Variants in ZNF438 observed in about 807,000 individuals in gnomAD.
The protein encoded by ZNF438 is zinc finger protein 438.
ZNF438 carries 25 observed loss-of-function variants against 38.0 expected under a neutral mutation model. That is an observed-to-expected ratio of 0.66 (90% CI 0.48 to 0.92). The LOEUF is 0.92. ZNF438 is among the 40% of genes least tolerant of loss of function. The pLI is 0.00. For synonymous variants in ZNF438, 372 were observed against 364.1 expected (o/e 1.02, Z -0.25); for missense variants, 1,007 against 999.6 (o/e 1.01, Z -0.10).
At chr10:30,849,404 T>C in exon 5 of ZNF438, 3 of 1,614,224 alleles carry the variant, frequency 1.9e-6, no homozygotes, top group African/African-American at 1.3e-5. Flanking sequence ...ATTAAAGCCT[T>C]CTGTGGTGGA....
intron 3 of ZNF438, among the ~76,000 whole-genome samples, chr10:30,900,132 A>G (rs1206501324): frequency 6.6e-6 from 1 of 152,238 alleles, no homozygotes; most frequent in East Asian, 1.9e-4. Context: ...CAAGCAATAT[A>G]TAAGATTATT....
At chr10:30,988,213 G>A (rs2053066513) in intron 1 of ZNF438, among the ~76,000 whole-genome samples, 1 of 151,684 alleles carries the variant, frequency 6.6e-6, no homozygotes, top group African/African-American at 2.4e-5. Flanking sequence ...AATAGAATTT[G>A]CTTTGAACTT....
intron 3 of ZNF438, among the ~76,000 whole-genome samples, chr10:30,890,924 C>A (rs533780048): frequency 6.6e-6 from 1 of 152,144 alleles, no homozygotes; most frequent in Non-Finnish European, 1.5e-5. Context: ...ATAAAAATGT[C>A]GGATAATTTT....
chr10:31,020,937 A>G (rs184427381), intron 1 of ZNF438, among the ~76,000 whole-genome samples: 1 of 152,058 alleles, frequency 6.6e-6, no homozygotes, highest in African/African-American at 2.4e-5. Context: ...AAAAATATCT[A>G]AATCACACAT....
chr10:31,031,442 G>A (rs1205586504), intron 1 of ZNF438, among the ~76,000 whole-genome samples: 1 of 152,210 alleles, frequency 6.6e-6, no homozygotes. Flanking sequence ...TCTCTGAGAG[G>A]AAGCTTCCAT....
intron 1 of ZNF438, among the ~76,000 whole-genome samples, chr10:31,030,334 C>T (rs1418404796): frequency 6.6e-6 from 1 of 152,174 alleles, no homozygotes; most frequent in Non-Finnish European, 1.5e-5. Flanking sequence ...TGTTCGTTGT[C>T]TATTTCCCAC....
At chr10:30,949,440 A>G (rs940460326) in intron 1 of ZNF438, among the ~76,000 whole-genome samples, 2 of 152,258 alleles carry the variant, frequency 1.3e-5, no homozygotes, top group African/African-American at 4.8e-5. Flanking sequence ...GCTCCAATTA[A>G]AAGACACAGA....
chr10:30,947,161 A>G (rs1467635824), intron 1 of ZNF438, among the ~76,000 whole-genome samples: 1 of 152,334 alleles, frequency 6.6e-6, no homozygotes, highest in East Asian at 1.9e-4. Context: ...ATGTGATTAC[A>G]GCTGTCTTTT....
chr10:30,894,709 A>G (rs530036730), intron 3 of ZNF438, among the ~76,000 whole-genome samples: 2 of 152,344 alleles, frequency 1.3e-5, no homozygotes, highest in East Asian at 3.9e-4. Flanking sequence ...TTATACAAGG[A>G]GAAAGAGCAT....
At chr10:30,924,968 G>A (rs780869916) in intron 2 of ZNF438, among the ~76,000 whole-genome samples, 25 of 152,120 alleles carry the variant, frequency 1.6e-4, no homozygotes, top group Non-Finnish European at 4.4e-5. Flanking sequence ...AAATAAAGTG[G>A]TTTTTAAATT....
intron 1 of ZNF438, among the ~76,000 whole-genome samples, chr10:30,960,161 CAT>C (rs1214452680): frequency 2.0e-5 from 3 of 147,386 alleles, no homozygotes; most frequent in African/African-American, 7.3e-5. Context: ...TAATTCTTTA[CAT>C]GTTTTGGATA....
At chr10:30,869,114 T>G (rs985871140) in intron 4 of ZNF438, among the ~76,000 whole-genome samples, 2 of 152,224 alleles carry the variant, frequency 1.3e-5, no homozygotes, top group Admixed American at 6.5e-5. Flanking sequence ...GGCTCACGCC[T>G]GTAATCCCAG....
At chr10:30,922,617 T>C in intron 2 of ZNF438, among the ~76,000 whole-genome samples, 1 of 152,150 alleles carries the variant, frequency 6.6e-6, no homozygotes, top group East Asian at 1.9e-4. Flanking sequence ...GCAGATCACC[T>C]GAGGTCAGGA....
chr10:30,899,047 T>C (rs1374037223), intron 3 of ZNF438, among the ~76,000 whole-genome samples: 2 of 152,190 alleles, frequency 1.3e-5, no homozygotes, highest in Non-Finnish European at 2.9e-5. Context: ...TATCTTTTCT[T>C]TGCACAATTT....
chr10:30,901,626 G>A (rs561676053), intron 3 of ZNF438, among the ~76,000 whole-genome samples: 105 of 152,254 alleles, frequency 6.9e-4, no homozygotes, highest in African/African-American at 2.5e-3. Flanking sequence ...CTTGGCGATA[G>A]GCAATTGTCT....
At chr10:30,912,716 TTC>T (rs1484147961) in intron 2 of ZNF438, among the ~76,000 whole-genome samples, 1 of 152,090 alleles carries the variant, frequency 6.6e-6, no homozygotes, top group Non-Finnish European at 1.5e-5. Flanking sequence ...CTCTTAACAT[TTC>T]TGTGTTTCCA....
rs1434975972 is a variant in ZNF438 at position 31,003,757 on chromosome 10, T to C, written c.-192+28076A>G. 3.3e-5 allele frequency among the ~76,000 whole-genome samples: 5 copies of C among 152,336 alleles called. No homozygotes were observed. In the East Asian group the frequency reaches 9.6e-4, roughly 29 times the overall value. ...TTTCAGTCTTCCAAGTCATAGTCTA[T>C]GCTCAAGAAAGAGCTGATCTACGTG... On this transcript the variant is annotated intron_variant, in intron 1 of 5. Coordinates refer to ENST00000413025, the Ensembl canonical transcript of ZNF438.
intron 3 of ZNF438, among the ~76,000 whole-genome samples, chr10:30,886,951 T>A (rs112581455): frequency 0.016 from 2,487 of 152,330 alleles, 58 homozygotes; most frequent in African/African-American, 0.057. Flanking sequence ...AATTTTATGA[T>A]GATTTGACAT....
chr10:31,030,685 G>C (rs2057231287), intron 1 of ZNF438, among the ~76,000 whole-genome samples: 1 of 152,214 alleles, frequency 6.6e-6, no homozygotes, highest in South Asian at 2.1e-4. Flanking sequence ...TCACACTCCT[G>C]AAATGAATTT....
Sources: allele counts gnomAD v4.1 joint callset (sites outside exome capture counted in the v4.1 genomes callset), GRCh38; gene constraint gnomAD v4.1.1; transcripts MANE v1.5; gene names NCBI Gene and HGNC (gene_info 2026-07-23, HGNC 2026-07-21).